PPP1R12C: variants seen among roughly 807,000 people sequenced by gnomAD.
The protein encoded by PPP1R12C is protein phosphatase 1 regulatory subunit 12C.
In PPP1R12C, 48 loss-of-function variants were observed where a neutral mutation model predicts 95.6. The observed-to-expected ratio is 0.50, with a 90% CI of 0.40 to 0.64. The LOEUF is 0.64. Among genes scored for constraint, PPP1R12C ranks in the 30% least tolerant of loss-of-function variants. The pLI is 0.00. For synonymous variants in PPP1R12C, 480 were observed against 460.8 expected (o/e 1.04, Z -0.53); for missense variants, 1,057 against 1,083.3 (o/e 0.98, Z 0.34).
chr19:55,095,266 A>G (rs2147182394), intron 11 of PPP1R12C, 25 bp downstream of exon 11: 1 of 1,553,626 alleles, frequency 6.4e-7, no homozygotes, highest in African/African-American at 1.4e-5. Flanking sequence ...CCCACCCCTG[A>G]GGGGCCCAGG....
At chr19:55,095,256 C>T (rs978237503) in intron 11 of PPP1R12C, 35 bp downstream of exon 11, 2 of 1,544,434 alleles carry the variant, frequency 1.3e-6, no homozygotes, top group East Asian at 2.4e-5. Flanking sequence ...ACATCTGCCA[C>T]CCACCCCTGA....
rs2085165376 is a variant in PPP1R12C, at chr19:55,117,304, G to T, written c.240C>A (p.Ala80=). ...MLRAADPGPG[A]ELDPAAPPPA... The stretch of plus-strand genomic sequence containing the variant: ...GCGGCGGCGCGGCGGGGTCGAGCTC[G>T]GCGCCGGGGCCAGGGTCGGCGGCGC... Residue 80 remains alanine, a synonymous_variant, in exon 1 of 22, where the codon GCC becomes GCA. Transcript: ENST00000263433. 8.3e-7 allele frequency: 1 copy of T among 1,204,838 alleles called. No individual in the cohort carries two copies. Among genetic ancestry groups the T allele is most frequent in the Non-Finnish European group, 1.0e-6 (1 of 971,970 alleles). 74.6% of individuals were successfully genotyped at this position (1,204,838 alleles called of 1,614,324 possible). A position where few individuals can be genotyped will look rare whatever the true frequency, so the allele number is the denominator to read the frequency against.
intron 15 of PPP1R12C, 23 bp from the exon 16 acceptor site, chr19:55,092,891 C>G: frequency 6.2e-7 from 1 of 1,601,910 alleles, no homozygotes; most frequent in Non-Finnish European, 8.5e-7. Context: ...CAGGAATCAG[C>G]CCAGGCACCT....
chr19:55,113,527 G>T, intron 1 of PPP1R12C: 1 of 1,387,806 alleles, frequency 7.2e-7, no homozygotes, highest in East Asian at 2.9e-5. Context: ...GGGGACAAAA[G>T]CCGAAGTCCA....
At chr19:55,101,706 A>G (rs891643505) in intron 4 of PPP1R12C, among the ~76,000 whole-genome samples, 7 of 152,220 alleles carry the variant, frequency 4.6e-5, no homozygotes, top group Admixed American at 3.3e-4. Context: ...CACTAGGCCC[A>G]ACCATTTAGA....
chr19:55,106,042 T>A (rs1486320652), intron 3 of PPP1R12C, among the ~76,000 whole-genome samples: 1 of 152,132 alleles, frequency 6.6e-6, no homozygotes, highest in Non-Finnish European at 1.5e-5. Context: ...TGAAAGGCGA[T>A]TTTTGTCAAT....
intron 3 of PPP1R12C, among the ~76,000 whole-genome samples, chr19:55,106,877 C>A (rs1484983327): frequency 1.3e-5 from 2 of 152,220 alleles, no homozygotes; most frequent in African/African-American, 2.4e-5. Flanking sequence ...GAGCTGCCAT[C>A]TGACCAAGGT....
In PPP1R12C at chr19:55,093,005, G is replaced by A; in HGVS notation, c.1825+11C>T. On this transcript the variant is annotated intron_variant, in intron 15 of 21. Transcript: ENST00000263433. ...TTCCCTGGGAATGACCTCCCCGAGA[G>A]CAGACCTCACCTCTCTGGGCAGGGC... 2 of 1,570,630 alleles carry A rather than the reference G, an allele frequency of 1.3e-6. No individual in the cohort carries two copies. The highest frequency in any genetic ancestry group is 1.7e-6 in the Non-Finnish European group (2 of 1,156,628).
intron 3 of PPP1R12C, among the ~76,000 whole-genome samples, chr19:55,105,586 T>C (rs1056706140): frequency 1.3e-5 from 2 of 152,204 alleles, no homozygotes; most frequent in Non-Finnish European, 2.9e-5. Context: ...TCCAATATTA[T>C]GCAACCATCA....
At chr19:55,102,068 A>G (rs1602990299) in intron 4 of PPP1R12C, among the ~76,000 whole-genome samples, 1 of 152,164 alleles carries the variant, frequency 6.6e-6, no homozygotes, top group East Asian at 1.9e-4. Flanking sequence ...CAAAAGAGAG[A>G]AGAGGGAACT....
chr19:55,110,601 C>G (rs1776728366), intron 3 of PPP1R12C, among the ~76,000 whole-genome samples: 1 of 152,190 alleles, frequency 6.6e-6, no homozygotes, highest in Non-Finnish European at 1.5e-5. Flanking sequence ...CTCAGAATGG[C>G]CGGGCTCACG....
At chr19:55,107,536 A>C (rs1024099538) in intron 3 of PPP1R12C, among the ~76,000 whole-genome samples, 1 of 152,128 alleles carries the variant, frequency 6.6e-6, no homozygotes, top group African/African-American at 2.4e-5. Context: ...AAAAGGATGA[A>C]TTCATGTCCT....
Position 55,095,399 on chromosome 19 carries a change from G to A in PPP1R12C, c.1387-41C>T, listed in dbSNP as rs757280302. On this transcript the variant is annotated intron_variant, in intron 10 of 21. Coordinates refer to ENST00000263433, the MANE Select transcript of PPP1R12C (RefSeq NM_017607.4). The stretch of plus-strand genomic sequence containing the variant: ...AAGGGGAGGAAGGGGCAGTTCCCTC[G>A]ACTGGGCAGGGGCCTGGGCCTGGAC... 4 of 1,567,178 alleles carry A rather than the reference G, an allele frequency of 2.6e-6. No individual in the cohort carries two copies. The Admixed American group carries it at 5.7e-5, about 22-fold the overall frequency.
chr19:55,092,985 T>C (rs2084864782), intron 15 of PPP1R12C, 31 bp downstream of exon 15: 1 of 1,563,882 alleles, frequency 6.4e-7, no homozygotes, highest in Non-Finnish European at 8.7e-7. Flanking sequence ...GATGATTCCC[T>C]GGGAATGACC....
At chr19:55,101,436 A>C (rs2084977913) in intron 4 of PPP1R12C, among the ~76,000 whole-genome samples, 1 of 152,190 alleles carries the variant, frequency 6.6e-6, no homozygotes, top group African/African-American at 2.4e-5. Context: ...GACACAGGCC[A>C]CCCAGCTGAA....
Position 55,098,978 on chromosome 19 carries a change from G to A in PPP1R12C, c.849C>T (p.Gly283=), listed in dbSNP as rs760424379. Residue 283 remains glycine, a synonymous_variant, in exon 5 of 22, where the codon GGC becomes GGT. Transcript: ENST00000263433. ...CATGGGTCAGTGAGTCCATGCCCCCGCCATGCTCGGCCAGCAGGCGGCAGG... is the reference window on the plus strand; with the variant it reads ...CATGGGTCAGTGAGTCCATGCCCCCACCATGCTCGGCCAGCAGGCGGCAGG... The part of the protein sequence containing the change: ...EDACRLLAEH[G]GGMDSLTHAG... 29 of 1,564,876 alleles carry A rather than the reference G, an allele frequency of 1.9e-5. No individual in the cohort carries two copies. The Admixed American group carries it at 3.6e-4, about 20-fold the overall frequency.
rs772359613 is a variant in PPP1R12C, at chr19:55,091,886, C to T, written c.2184G>A (p.Arg728=). 1.9e-6 allele frequency: 3 copies of T among 1,613,356 alleles called. No homozygotes were observed. In the Admixed American group the frequency reaches 5.0e-5, roughly 27 times the overall value. The part of the protein sequence containing the change: ...ATQRQERFAE[R]PALLELERFE... ...ATCTCTCCAGTTCCAGGAGGGCTGGCCTCTCAGCGAAGCGTTCTTGCCTCT... is the reference window on the plus strand; with the variant it reads ...ATCTCTCCAGTTCCAGGAGGGCTGGTCTCTCAGCGAAGCGTTCTTGCCTCT... The change falls in exon 20 of 22, where the codon AGG becomes AGA. Residue 728 remains arginine (R), a synonymous_variant. Coordinates refer to ENST00000263433, the MANE Select transcript of PPP1R12C (RefSeq NM_017607.4).
Position 55,093,039 on chromosome 19 carries a change from T to C in PPP1R12C, c.1802A>G (p.Asn601Ser). 1.9e-6 allele frequency: 3 copies of C among 1,588,320 alleles called. No homozygotes were observed. The highest frequency in any genetic ancestry group is 1.7e-4 in the Middle Eastern group (1 of 5,934). Reference protein sequence around the residue: ...SRRPRVPGVENSDSPAQRAEA... With the variant: ...SRRPRVPGVESSDSPAQRAEA... ...ACCTCTCTGGGCAGGGCTGTCAGAG[T>C]TCTCCACTCCAGGGACGCGGGGCCT... The change falls in exon 15 of 22, where the codon AAC (asparagine) becomes AGC (serine). Residue 601 changes from asparagine to serine, a missense_variant. Asn to Ser is a conservative substitution (Grantham distance 46, BLOSUM62 1). Coordinates refer to ENST00000263433, the MANE Select transcript of PPP1R12C (RefSeq NM_017607.4).
At chr19:55,104,182 A>AAG (rs2085009806) in intron 3 of PPP1R12C, among the ~76,000 whole-genome samples, 6 of 94,092 alleles carry the variant, frequency 6.4e-5, no homozygotes, top group African/African-American at 3.1e-4. Context: ...AAAAAAAAGT[A>AAG]TATATATATA....
Sources: allele counts gnomAD v4.1 joint callset (sites outside exome capture counted in the v4.1 genomes callset), GRCh38; gene constraint gnomAD v4.1.1; transcripts MANE v1.5; gene names NCBI Gene and HGNC (gene_info 2026-07-23, HGNC 2026-07-21).